Variants in LRRIQ4 observed in about 807,000 individuals in gnomAD.
LRRIQ4 encodes the protein leucine rich repeats and IQ motif containing 4.
In LRRIQ4, 21 loss-of-function variants were observed where a neutral mutation model predicts 40.1. The observed-to-expected ratio is 0.52, with a 90% CI of 0.37 to 0.75. LRRIQ4 has a LOEUF of 0.75. Ranked by LOEUF, LRRIQ4 falls within the 30% of genes least tolerant of loss-of-function variation. LRRIQ4 has a pLI of 0.00. For synonymous variants in LRRIQ4, 277 were observed against 277.1 expected, an observed-to-expected ratio of 1.00 and a Z score of 0.00; for missense variants, 655 against 660.0, an observed-to-expected ratio of 0.99 and a Z score of 0.08.
intron 5 of LRRIQ4, among the ~76,000 whole-genome samples, chr3:169,834,608 C>G (rs920162731): frequency 6.6e-6 from 1 of 152,094 alleles, no homozygotes; most frequent in South Asian, 2.1e-4. Context: ...TTAAATGTAT[C>G]CAGTGGAAAC....
At chr3:169,831,265 T>C (rs1780167194) in intron 4 of LRRIQ4, among the ~76,000 whole-genome samples, 1 of 101,736 alleles carries the variant, frequency 9.8e-6, no homozygotes, top group Non-Finnish European at 2.0e-5. Flanking sequence ...GCTATTCTTT[T>C]TTTTTTTTTT....
At chr3:169,833,563 C>A (rs1780234413) in intron 5 of LRRIQ4, among the ~76,000 whole-genome samples, 1 of 152,150 alleles carries the variant, frequency 6.6e-6, no homozygotes, top group Non-Finnish European at 1.5e-5. Context: ...AGAGGCTGAG[C>A]CCAGGGTTCT....
intron 1 of LRRIQ4, among the ~76,000 whole-genome samples, chr3:169,820,568 G>T (rs1399225649): frequency 7.4e-5 from 10 of 134,906 alleles, no homozygotes; most frequent in Non-Finnish European, 1.4e-4. Flanking sequence ...ACGGAGTCTC[G>T]CTCTGTCGCC....
intron 2 of LRRIQ4, 131 bp from the exon 3 acceptor site, chr3:169,828,628 A>G: frequency 1.4e-6 from 1 of 722,504 alleles, no homozygotes; most frequent in Non-Finnish European, 2.3e-6. Flanking sequence ...TATGTGCACA[A>G]ATTTTTCACT....
intron 5 of LRRIQ4, among the ~76,000 whole-genome samples, chr3:169,834,174 C>T (rs1021141345): frequency 2.6e-5 from 4 of 152,110 alleles, no homozygotes; most frequent in African/African-American, 9.7e-5. Context: ...TCAGCCTGAC[C>T]AACATGGTGA....
At chr3:169,832,950 C>T (rs1309554478) in intron 4 of LRRIQ4, 37 bp from the exon 5 acceptor site, 2 of 1,564,262 alleles carry the variant, frequency 1.3e-6, no homozygotes, top group East Asian at 2.2e-5. Context: ...ATTGTTTCTT[C>T]TAAGATTGAA....
At chr3:169,824,583 G>C (rs1246835813) in intron 2 of LRRIQ4, among the ~76,000 whole-genome samples, 1 of 151,914 alleles carries the variant, frequency 6.6e-6, no homozygotes, top group Non-Finnish European at 1.5e-5. Context: ...TGCTATCTTG[G>C]CTCACTGCAA....
intron 1 of LRRIQ4, among the ~76,000 whole-genome samples, chr3:169,819,078 A>G (rs1779820536): frequency 6.6e-6 from 1 of 152,210 alleles, no homozygotes; most frequent in Non-Finnish European, 1.5e-5. Context: ...ACAATTATTT[A>G]ATTTAAAAAT....
chr3:169,823,003 G>A, intron 2 of LRRIQ4, 62 bp downstream of exon 2: 1 of 1,400,098 alleles, frequency 7.1e-7, no homozygotes, highest in Non-Finnish European at 9.4e-7. Flanking sequence ...GCCCTAAGTT[G>A]GTTCTGTATC....
chr3:169,824,064 C>CTA (rs1364709870), intron 2 of LRRIQ4, among the ~76,000 whole-genome samples: 3 of 152,108 alleles, frequency 2.0e-5, no homozygotes, highest in Non-Finnish European at 2.9e-5. Context: ...TCACACAAAA[C>CTA]TATATATATA....
At chr3:169,831,987 A>T (rs545375249) in intron 4 of LRRIQ4, among the ~76,000 whole-genome samples, 30 of 151,722 alleles carry the variant, frequency 2.0e-4, no homozygotes, top group East Asian at 1.6e-3. Context: ...AAAAATTTAA[A>T]AAAAAAAAGA....
chr3:169,823,758 A>C (rs1392876955), intron 2 of LRRIQ4, among the ~76,000 whole-genome samples: 1 of 152,206 alleles, frequency 6.6e-6, no homozygotes, highest in Non-Finnish European at 1.5e-5. Flanking sequence ...AGGAAACTGC[A>C]AAACCAGACT....
Position 169,833,126 on chromosome 3 carries a change from T to C in LRRIQ4, c.1473T>C (p.Asn491=), listed in dbSNP as rs376278293. The change falls in exon 5 of 6, where the codon AAT becomes AAC. Residue 491 remains asparagine, a synonymous_variant. Transcript: ENST00000340806. ...EPPKEVCAEG[N]EAIWKYLKEN... is the part of the protein sequence containing the mutation. The stretch of plus-strand genomic sequence containing the variant: ...CAAAAGAAGTGTGTGCTGAAGGCAA[T>C]GAGGCCATATGGAAATACCTCAAGG... The C allele has an allele frequency of 2.5e-5, 41 of 1,613,878 alleles. No homozygotes were observed. The African/African-American group carries it at 4.4e-4, about 17-fold the overall frequency.
At chr3:169,829,070 AT>A in intron 3 of LRRIQ4, 138 bp downstream of exon 3, 1 of 753,104 alleles carries the variant, frequency 1.3e-6, no homozygotes, top group South Asian at 2.2e-5. Context: ...ACAAGCAATC[AT>A]TTTTACATTT....
intron 2 of LRRIQ4, among the ~76,000 whole-genome samples, chr3:169,828,207 T>C (rs975524666): frequency 6.6e-6 from 1 of 152,136 alleles, no homozygotes; most frequent in Non-Finnish European, 1.5e-5. Flanking sequence ...AGTCCATAAA[T>C]GGCAAGAACA....
chr3:169,825,472 G>A (rs1215936096), intron 2 of LRRIQ4, among the ~76,000 whole-genome samples: 3 of 152,202 alleles, frequency 2.0e-5, no homozygotes, highest in Non-Finnish European at 4.4e-5. Flanking sequence ...TCACCTTGGA[G>A]GATTTTTGAG....
At chr3:169,813,946 A>G (rs2108260118) in intron 1 of LRRIQ4, among the ~76,000 whole-genome samples, 1 of 152,238 alleles carries the variant, frequency 6.6e-6, no homozygotes, top group East Asian at 1.9e-4. Flanking sequence ...AACTCACCGC[A>G]GCGTCTAGGG....
At chr3:169,823,008 T>G (rs1315572229) in intron 2 of LRRIQ4, 67 bp downstream of exon 2, 2 of 1,377,838 alleles carry the variant, frequency 1.5e-6, no homozygotes, top group African/African-American at 2.9e-5. Context: ...AAGTTGGTTC[T>G]GTATCTAAAC....
chr3:169,834,974 GT>G lies in LRRIQ4; in HGVS notation c.1530+1798del, dbSNP rs1311663828. On this transcript the variant is annotated intron_variant, in intron 5 of 5. Coordinates refer to ENST00000340806, the MANE Select transcript of LRRIQ4 (RefSeq NM_001080460.3). The stretch of plus-strand genomic sequence containing the variant: ...TAGAACAGTGTACCAAAATGAGAGG[GT>G]TTTTTTAGCATAGTTTATATATTCA... Among the ~76,000 whole-genome samples, 7 of 151,976 alleles carry G rather than the reference GT, an allele frequency of 4.6e-5. No homozygotes were observed. The South Asian group carries it at 6.2e-4, about 14-fold the overall frequency.
Sources: gnomAD v4.1 joint callset for allele counts (sites outside exome capture counted in the v4.1 genomes callset) on GRCh38, gnomAD v4.1.1 for gene constraint, MANE v1.5 for transcripts, NCBI Gene and HGNC (gene_info 2026-07-23, HGNC 2026-07-21) for gene names.